NRG1: variants seen among roughly 807,000 people sequenced by gnomAD.
NRG1 encodes neuregulin 1.
NRG1 carries 18 observed loss-of-function variants against 63.8 expected under a neutral mutation model. That is an observed-to-expected ratio of 0.28 (90% CI 0.19 to 0.42). NRG1 has a LOEUF of 0.42. Among genes scored for constraint, NRG1 ranks in the 10% least tolerant of loss-of-function variants. NRG1 has a pLI of 1.00. For synonymous variants in NRG1, 302 were observed against 301.3 expected (o/e 1.00, Z -0.02); for missense variants, 762 against 814.7 (o/e 0.94, Z 0.79).
chr8:31,988,547 C>G (rs962631888), intron 1 of NRG1, among the ~76,000 whole-genome samples: 10 of 152,048 alleles, frequency 6.6e-5, no homozygotes, highest in Non-Finnish European at 1.5e-4. Context: ...CTTCTTTACT[C>G]TGGTACTGAA....
chr8:31,847,761 G>A (rs1422633556), intron 1 of NRG1, among the ~76,000 whole-genome samples: 1 of 152,184 alleles, frequency 6.6e-6, no homozygotes, highest in African/African-American at 2.4e-5. Context: ...GATTTCTGCT[G>A]TCATTATTTG....
At chr8:32,133,700 T>C (rs1048392046) in intron 1 of NRG1, among the ~76,000 whole-genome samples, 2 of 152,184 alleles carry the variant, frequency 1.3e-5, no homozygotes, top group African/African-American at 4.8e-5. Flanking sequence ...ATCTATTATA[T>C]CATCTCCTGT....
intron 1 of NRG1, among the ~76,000 whole-genome samples, chr8:32,482,111 A>T (rs1283235345): frequency 6.6e-6 from 1 of 152,236 alleles, no homozygotes; most frequent in Non-Finnish European, 1.5e-5. Context: ...CGTGAACAGA[A>T]TTAAGCACCT....
At chr8:32,186,479 A>G (rs76915652) in intron 1 of NRG1, among the ~76,000 whole-genome samples, 4 of 151,772 alleles carry the variant, frequency 2.6e-5, no homozygotes, top group East Asian at 1.9e-4. Flanking sequence ...AAAAAAAAGA[A>G]AAAAGAAAGA....
At chr8:32,291,091 G>A (rs79389266) in intron 1 of NRG1, among the ~76,000 whole-genome samples, 7,794 of 152,280 alleles carry the variant, frequency 0.051, 251 homozygotes, top group South Asian at 0.07. Context: ...CAATGTCCCA[G>A]TTTGAATACA....
chr8:32,497,458 A>G (rs1401347569), intron 1 of NRG1, among the ~76,000 whole-genome samples: 1 of 151,956 alleles, frequency 6.6e-6, no homozygotes, highest in East Asian at 1.9e-4. Context: ...AAAAAAAAAA[A>G]AAAAAAGGAA....
intron 1 of NRG1, among the ~76,000 whole-genome samples, chr8:32,042,501 A>G (rs1465104359): frequency 1.3e-5 from 2 of 152,090 alleles, no homozygotes; most frequent in African/African-American, 4.8e-5. Flanking sequence ...AGTCTAGCAT[A>G]TAATGAAAAA....
intron 7 of NRG1, 147 bp from the exon 8 acceptor site, chr8:32,754,225 A>T: frequency 1.5e-6 from 1 of 688,306 alleles, no homozygotes; most frequent in Non-Finnish European, 2.6e-6. Context: ...GTTGTACCTT[A>T]GCTATGTGTG....
At chr8:31,730,083 T>A (rs1813869036) in intron 1 of NRG1, among the ~76,000 whole-genome samples, 1 of 152,118 alleles carries the variant, frequency 6.6e-6, no homozygotes. Flanking sequence ...CAAACTGATT[T>A]TACCAGGAAG....
intron 1 of NRG1, among the ~76,000 whole-genome samples, chr8:31,942,005 C>A (rs1801826359): frequency 6.6e-6 from 1 of 152,096 alleles, no homozygotes; most frequent in South Asian, 2.1e-4. Context: ...CTTCAAAATA[C>A]CATCATCACT....
chr8:31,647,381 A>C (rs1804390716), intron 1 of NRG1, among the ~76,000 whole-genome samples: 1 of 152,150 alleles, frequency 6.6e-6, no homozygotes, highest in African/African-American at 2.4e-5. Flanking sequence ...CTGATGAATA[A>C]TGAGGTTCTT....
At chr8:31,676,972 C>T (rs979230214) in intron 1 of NRG1, among the ~76,000 whole-genome samples, 10 of 152,168 alleles carry the variant, frequency 6.6e-5, no homozygotes, top group African/African-American at 2.4e-4. Context: ...GACTCTGACC[C>T]TAGTCATTGC....
chr8:31,779,136 G>A (rs1367086381), intron 1 of NRG1, among the ~76,000 whole-genome samples: 1 of 151,996 alleles, frequency 6.6e-6, no homozygotes, highest in Non-Finnish European at 1.5e-5. Flanking sequence ...TGATCTTGGT[G>A]GATTCTTAAG....
chr8:31,726,080 A>G (rs999304923), intron 1 of NRG1, among the ~76,000 whole-genome samples: 2 of 152,164 alleles, frequency 1.3e-5, no homozygotes, highest in Non-Finnish European at 2.9e-5. Flanking sequence ...GAGATAGAAC[A>G]TCGACTGTGC....
At chr8:31,928,308 G>A (rs888212540) in intron 1 of NRG1, among the ~76,000 whole-genome samples, 2 of 137,356 alleles carry the variant, frequency 1.5e-5, no homozygotes, top group South Asian at 4.5e-4. Context: ...CCAGAATGGC[G>A]ATTAGTGAAA....
At chr8:32,420,777 T>A (rs572061283) in intron 1 of NRG1, among the ~76,000 whole-genome samples, 3 of 152,312 alleles carry the variant, frequency 2.0e-5, no homozygotes, top group African/African-American at 7.2e-5. Context: ...ATGGTTTGGC[T>A]GTATGTCTCC....
intron 1 of NRG1, among the ~76,000 whole-genome samples, chr8:32,197,468 G>T (rs1225592453): frequency 6.6e-6 from 1 of 152,152 alleles, no homozygotes; most frequent in Non-Finnish European, 1.5e-5. Context: ...CACCCATGGG[G>T]CTAGCCTGGG....
chr8:32,505,032 G>T (rs1056179456), intron 1 of NRG1, among the ~76,000 whole-genome samples: 4 of 152,174 alleles, frequency 2.6e-5, no homozygotes, highest in African/African-American at 9.7e-5. Context: ...AGGAGGAAGA[G>T]AAAGGATGTA....
At chr8:32,694,979 G>A (rs1353394043) in intron 5 of NRG1, among the ~76,000 whole-genome samples, 1 of 152,126 alleles carries the variant, frequency 6.6e-6, no homozygotes, top group African/African-American at 2.4e-5. Context: ...TACTGATGAT[G>A]CGAAAGGTGA....
Sources: gnomAD v4.1 joint callset for allele counts (sites outside exome capture counted in the v4.1 genomes callset) on GRCh38, gnomAD v4.1.1 for gene constraint, MANE v1.5 for transcripts, NCBI Gene and HGNC (gene_info 2026-07-23, HGNC 2026-07-21) for gene names.